SCAP: variants seen among roughly 807,000 people sequenced by gnomAD.
SCAP encodes the protein sterol regulatory element-binding protein cleavage-activating protein.
In SCAP, 65 loss-of-function variants were observed where a neutral mutation model predicts 123.6. That is an observed-to-expected ratio of 0.53 (90% CI 0.43 to 0.65). The LOEUF (loss-of-function observed/expected upper bound fraction) is 0.65. Ranked by LOEUF, SCAP falls within the 30% of genes least tolerant of loss-of-function variation. The pLI, the probability that SCAP is intolerant of heterozygous loss-of-function variation, is 0.00. For missense variants in SCAP, 1,398 were observed against 1,712.5 expected (o/e 0.82, Z 3.24); for synonymous variants, 740 against 726.3 (o/e 1.02, Z -0.30).
At chr3:47,433,390 T>G (rs1021125614) in intron 3 of SCAP, among the ~76,000 whole-genome samples, 1 of 152,154 alleles carries the variant, frequency 6.6e-6, no homozygotes, top group African/African-American at 2.4e-5. Flanking sequence ...TGCTCCTGAT[T>G]CCCGAGCCCT....
At chr3:47,435,473 C>T (rs1190122290) in intron 2 of SCAP, among the ~76,000 whole-genome samples, 1 of 83,812 alleles carries the variant, frequency 1.2e-5, no homozygotes. Flanking sequence ...TAAACATACA[C>T]ACACACACAC....
chr3:47,426,278 T>C, intron 6 of SCAP, 109 bp from the exon 7 acceptor site: 6 of 1,132,622 alleles, frequency 5.3e-6, no homozygotes, highest in Non-Finnish European at 7.4e-6. Context: ...GCCCCTGTGT[T>C]GAAAGGGAAC....
At chr3:47,421,338 A>C in intron 10 of SCAP, 1 of 320,076 alleles carries the variant, frequency 3.1e-6, no homozygotes, top group African/African-American at 2.1e-5. Context: ...GGAAACCTCT[A>C]AGCCCCACCA....
chr3:47,443,464 CT>C (rs916375669), intron 1 of SCAP, among the ~76,000 whole-genome samples: 9 of 152,084 alleles, frequency 5.9e-5, no homozygotes, highest in East Asian at 1.9e-4. Context: ...CTTCCCCCCC[CT>C]CCTCTATGCA....
chr3:47,418,357 C>A lies in SCAP; in HGVS notation c.2295G>T (p.Thr765=). The change falls in exon 15 of 23, where the codon ACG becomes ACT. Residue 765 remains threonine (T), a synonymous_variant. Coordinates refer to ENST00000265565, the MANE Select transcript of SCAP (RefSeq NM_012235.4). ...CGCGCAGCACAAGCGGCACGATCTC[C>A]GTCTCGGGTGGCGCATAGCCGTAGT... The part of the protein sequence containing the change: ...CDDYGYAPPE[T]EIVPLVLRGH... The A allele has an allele frequency of 6.4e-7, 1 of 1,570,762 alleles. No homozygotes were observed. The highest frequency in any genetic ancestry group is 2.4e-5 in the East Asian group (1 of 42,440).
intron 1 of SCAP, among the ~76,000 whole-genome samples, chr3:47,467,961 C>T (rs1261177478): frequency 1.3e-5 from 2 of 148,574 alleles, no homozygotes; most frequent in East Asian, 2.1e-4. Context: ...TGAGTGAGAA[C>T]ATGCGGTGTT....
Position 47,435,152 on chromosome 3 carries a change from A to T in SCAP, c.123-15T>A, listed in dbSNP as rs768039091. The T allele has an allele frequency of 6.2e-7, 1 of 1,609,914 alleles. No individual in the cohort carries two copies. The highest frequency in any genetic ancestry group is 1.1e-5 in the South Asian group (1 of 90,456). The stretch of plus-strand genomic sequence containing the variant: ...GCAGTGGGTAGCTGGGATGTACAAA[A>T]AGGAGATAAGAATTAGACACTATGA... On this transcript the variant is annotated splice_polypyrimidine_tract_variant and intron_variant, in intron 2 of 22. Coordinates refer to ENST00000265565, the MANE Select transcript of SCAP (RefSeq NM_012235.4).
intron 3 of SCAP, 64 bp downstream of exon 3, chr3:47,434,942 ACC>A (rs749474668): frequency 6.2e-7 from 1 of 1,607,968 alleles, no homozygotes; most frequent in Admixed American, 1.7e-5. Context: ...TCACTGGCAG[ACC>A]CCTGCCTCAG....
At position 47,435,214 on chromosome 3, in the gene SCAP, T is replaced by C. The variant is rs1706521798; in HGVS notation, c.123-77A>G. On this transcript the variant is annotated intron_variant, in intron 2 of 22. Transcript: ENST00000265565. ...CTCTCAGCACTGACACAGGAGCCAC[T>C]GGAGTTAATAACTAAATTCTGTCAG... is the stretch of plus-strand genomic sequence containing the variant. 4 of 1,462,472 alleles carry C rather than the reference T, an allele frequency of 2.7e-6. No individual in the cohort carries two copies. In the African/African-American group the frequency reaches 4.3e-5, roughly 16 times the overall value. 90.6% of individuals were successfully genotyped at this position (1,462,472 alleles called of 1,614,324 possible). A position where few individuals can be genotyped will look rare whatever the true frequency, so the allele number is the denominator to read the frequency against.
At chr3:47,457,740 T>C (rs963792809) in intron 1 of SCAP, among the ~76,000 whole-genome samples, 2 of 151,530 alleles carry the variant, frequency 1.3e-5, no homozygotes, top group African/African-American at 4.9e-5. Context: ...ACCCCGTCTC[T>C]ACTAAAAATA....
In SCAP at chr3:47,419,772, G is replaced by T; in HGVS notation, c.1564-68C>A. The T allele has an allele frequency of 6.7e-7, 1 of 1,491,068 alleles. No homozygotes were observed. Among genetic ancestry groups the T allele is most frequent in the Non-Finnish European group, 8.9e-7 (1 of 1,118,562 alleles). The allele number at this position is 1,491,068 out of a possible 1,614,324, so 92.4% of individuals were successfully genotyped here. A position where few individuals can be genotyped will look rare whatever the true frequency, so the allele number is the denominator to read the frequency against. On this transcript the variant is annotated intron_variant, in intron 12 of 22. Coordinates refer to ENST00000265565, the MANE Select transcript of SCAP (RefSeq NM_012235.4). This position sits in a 1 kb window ranked among gnomAD's most constrained non-coding sequence, Gnocchi z 5.0. ...AACCCCCAGCAGCTTCAGCCCTCAT[G>T]CTGAGAGGAAGCAGCACAGGGACCT...
At chr3:47,460,096 C>T (rs1194473409) in intron 1 of SCAP, among the ~76,000 whole-genome samples, 1 of 152,160 alleles carries the variant, frequency 6.6e-6, no homozygotes, top group African/African-American at 2.4e-5. Context: ...TCTGCCAGAC[C>T]CCACAGGCAG....
intron 2 of SCAP, among the ~76,000 whole-genome samples, chr3:47,436,268 T>G (rs1487046777): frequency 6.6e-6 from 1 of 152,170 alleles, no homozygotes; most frequent in African/African-American, 2.4e-5. Context: ...TGGTTTATAC[T>G]AGGATCATGA....
chr3:47,417,744 C>T lies in SCAP; in HGVS notation c.2530G>A (p.Gly844Ser), dbSNP rs763156621. Reference sequence around the variant, plus strand: ...GGGCTGTCCCCAGGCTCCTCTGGACCAGCCTTCCCACCATCTGAAAGTCGT... The same window carrying T: ...GGGCTGTCCCCAGGCTCCTCTGGACTAGCCTTCCCACCATCTGAAAGTCGT... ...WERLSDGGKAGPEEPGDSPPL... is the reference protein window; with the variant it reads ...WERLSDGGKASPEEPGDSPPL... Residue 844 changes from glycine to serine, a missense_variant, in exon 17 of 23, where the codon GGT (glycine) becomes AGT (serine). Gly to Ser is a moderately conservative substitution (Grantham distance 56). Around this residue, in one of 7 missense-constraint regions of SCAP, gnomAD observed 828 missense variants for 882.5 expected, o/e 0.94. Coordinates refer to ENST00000265565, the MANE Select transcript of SCAP (RefSeq NM_012235.4). 19 of 1,607,220 alleles carry T rather than the reference C, an allele frequency of 1.2e-5. No homozygotes were observed. The South Asian group carries it at 2.1e-4, about 18-fold the overall frequency.
chr3:47,445,014 C>T (rs1033313686), intron 1 of SCAP, among the ~76,000 whole-genome samples: 10 of 151,938 alleles, frequency 6.6e-5, no homozygotes, highest in African/African-American at 1.7e-4. Context: ...TCAAGTGATC[C>T]GCCAGCCTCA....
Position 47,417,168 on chromosome 3 carries a change from C to T in SCAP, c.3010G>A (p.Glu1004Lys), listed in dbSNP as rs905307221. 5.6e-6 allele frequency: 9 copies of T among 1,613,088 alleles called. No individual in the cohort carries two copies. The highest frequency in any genetic ancestry group is 2.2e-5 in the East Asian group (1 of 44,886). Residue 1004 changes from glutamate to lysine, a missense_variant, in exon 18 of 23, where the codon GAG becomes AAG. Transcript: ENST00000265565. ...AIEGVLCCSS[E>K]EVSSGITALV... ...GCGGTAATGCCTGAGGAGACCTCCT[C>T]GCTGCTGCAGCACAGCACCCCTTCA...
intron 1 of SCAP, among the ~76,000 whole-genome samples, chr3:47,445,574 T>A (rs1248594696): frequency 6.6e-6 from 1 of 150,640 alleles, no homozygotes; most frequent in Non-Finnish European, 1.5e-5. Context: ...GGTCTCGAAC[T>A]CCAACTTTTT....
intron 1 of SCAP, among the ~76,000 whole-genome samples, chr3:47,448,942 G>A (rs1481569719): frequency 6.6e-6 from 1 of 152,062 alleles, no homozygotes; most frequent in African/African-American, 2.4e-5. Context: ...TGTGACTCTA[G>A]CTCTTGTTTA....
At chr3:47,471,592 A>G (rs1440409593) in intron 1 of SCAP, among the ~76,000 whole-genome samples, 2 of 152,034 alleles carry the variant, frequency 1.3e-5, no homozygotes, top group African/African-American at 4.8e-5. Flanking sequence ...GCTGGTCTCG[A>G]ACTCCTGACC....
Sources: gnomAD v4.1 joint callset for allele counts (sites outside exome capture counted in the v4.1 genomes callset) on GRCh38, gnomAD v4.1.1 for gene constraint, gnomAD v4.1.1 regional missense constraint, Gnocchi (gnomAD v3.1) non-coding constraint, MANE v1.5 for transcripts, NCBI Gene and HGNC (gene_info 2026-07-23, HGNC 2026-07-21) for gene names.